Variants in OPTN observed in about 807,000 individuals in gnomAD.
OPTN encodes optineurin, also known as E3-14.7K-interacting protein.
In OPTN, 54 loss-of-function variants were observed where a neutral mutation model predicts 70.4. That is an observed-to-expected ratio of 0.77 (90% CI 0.62 to 0.96). The LOEUF (loss-of-function observed/expected upper bound fraction) is 0.96. OPTN is among the 40% of genes least tolerant of loss of function. OPTN has a pLI of 0.00. For synonymous variants in OPTN, 256 were observed against 248.5 expected (o/e 1.03, Z -0.28); for missense variants, 624 against 673.2 (o/e 0.93, Z 0.81).
At chr10:13,115,369 CTT>C (rs1283122303) in intron 5 of OPTN, among the ~76,000 whole-genome samples, 80 of 97,288 alleles carry the variant, frequency 8.2e-4, no homozygotes, top group African/African-American at 3.0e-3. Flanking sequence ...TATATATACA[CTT>C]ATATATGTAT....
intron 6 of OPTN, among the ~76,000 whole-genome samples, chr10:13,117,991 C>G (rs1833257628): frequency 1.3e-5 from 2 of 152,144 alleles, no homozygotes; most frequent in South Asian, 4.1e-4. Flanking sequence ...AAAGACGTTC[C>G]TGGAAGTAGT....
At chr10:13,126,069 C>A in intron 11 of OPTN, 30 bp downstream of exon 11, 1 of 1,283,218 alleles carries the variant, frequency 7.8e-7, no homozygotes, top group Non-Finnish European at 1.1e-6. Flanking sequence ...ACTTCCATAG[C>A]CTAGTAATGA....
intron 7 of OPTN, among the ~76,000 whole-genome samples, chr10:13,121,017 T>A (rs1833337125): frequency 6.6e-6 from 1 of 152,154 alleles, no homozygotes; most frequent in African/African-American, 2.4e-5. Context: ...GAGAACTCAC[T>A]CACTATCACG....
At chr10:13,104,007 G>C (rs571623257) in intron 1 of OPTN, among the ~76,000 whole-genome samples, 1 of 152,262 alleles carries the variant, frequency 6.6e-6, no homozygotes, top group African/African-American at 2.4e-5. Context: ...AAATGGCTTA[G>C]TTCCAATTTC....
rs2234968 is a variant in OPTN at position 13,109,224 on chromosome 10, G to A, written c.102G>A (p.Thr34=). The change falls in exon 3 of 15, where the codon ACG becomes ACA. Residue 34 remains threonine (T), a synonymous_variant. Coordinates refer to ENST00000378747, the MANE Select transcript of OPTN (RefSeq NM_001008212.2). The part of the protein sequence containing the change: ...PPHLAHPNLD[T]FTPEELLQQM... ...ACCTGGCCCACCCAAACCTGGACAC[G>A]TTTACCCCGGAGGAGCTGCTGCAGC... 0.25 allele frequency: 404,990 copies of A among 1,613,578 alleles called. 53,239 individuals are homozygous for A. Among genetic ancestry groups the A allele is most frequent in the Middle Eastern group, 0.3 (1,801 of 6,060 alleles).
At chr10:13,108,837 C>T (rs935236446) in intron 2 of OPTN, 16 of 405,138 alleles carry the variant, frequency 3.9e-5, no homozygotes, top group African/African-American at 1.2e-4. Flanking sequence ...TGAGCCACCA[C>T]GCCCGGCCCT....
At chr10:13,116,432 A>C in intron 6 of OPTN, 92 bp downstream of exon 6, 1 of 837,234 alleles carries the variant, frequency 1.2e-6, no homozygotes, top group Non-Finnish European at 2.1e-6. Flanking sequence ...TTGTGACCTG[A>C]GGAAGTAACT....
In OPTN at chr10:13,132,142, G is replaced by T; in HGVS notation, c.1477G>T (p.Ala493Ser). The T allele has an allele frequency of 6.2e-7, 1 of 1,613,620 alleles. No individual in the cohort carries two copies. Among genetic ancestry groups the T allele is most frequent in the Non-Finnish European group, 8.5e-7 (1 of 1,179,646 alleles). Residue 493 changes from alanine (A) to serine (S), a missense_variant, in exon 13 of 15, where the codon GCA becomes TCA. By Grantham distance (99) the Ala-to-Ser change is moderately conservative. Coordinates refer to ENST00000378747, the MANE Select transcript of OPTN (RefSeq NM_001008212.2). Reference sequence around the variant, plus strand: ...AATTCATGAGGAAAAGGAGCAACTGGCATTGCAGCTGGCAGTTCTGCTGAA... The same window carrying T: ...AATTCATGAGGAAAAGGAGCAACTGTCATTGCAGCTGGCAGTTCTGCTGAA... ...EKIHEEKEQL[A>S]LQLAVLLKEN...
intron 5 of OPTN, among the ~76,000 whole-genome samples, chr10:13,114,778 TTATATAATTATATAATTATATATACATA>T (rs1833092333): frequency 2.0e-5 from 2 of 100,340 alleles, no homozygotes; most frequent in African/African-American, 4.2e-5. Flanking sequence ...AATTATATAA[TTATATAATTATATAATTATATATACATA>T]TATATAATTA....
chr10:13,113,831 C>T (rs1329645896), intron 5 of OPTN, among the ~76,000 whole-genome samples: 1 of 151,936 alleles, frequency 6.6e-6, no homozygotes, highest in African/African-American at 2.4e-5. Flanking sequence ...GCTGAGGAGG[C>T]AGGATCCCTT....
chr10:13,118,933 T>G lies in OPTN; in HGVS notation c.672T>G (p.Asn224Lys), dbSNP rs747185111. 1 of 1,614,074 alleles carries G rather than the reference T, an allele frequency of 6.2e-7. No homozygotes were observed. Among genetic ancestry groups the G allele is most frequent in the Admixed American group, 1.7e-5 (1 of 60,012 alleles). The change falls in exon 7 of 15, where the codon AAT becomes AAG. Residue 224 changes from asparagine (N) to lysine (K), a missense_variant. Physicochemically the swap from Asn to Lys is moderately conservative, Grantham distance 94 (BLOSUM62 0). Transcript: ENST00000378747. The part of the protein sequence containing the change: ...YRSRSADGAK[N>K]YFEHEELTVS... The stretch of plus-strand genomic sequence containing the variant: ...GCAGATCTGCAGATGGGGCCAAGAA[T>G]TACTTCGAACATGAGGAGTTAACTG...
intron 4 of OPTN, among the ~76,000 whole-genome samples, chr10:13,111,425 C>T (rs10796023): frequency 0.99 from 150,607 of 152,294 alleles, 74,499 homozygotes; most frequent in East Asian, 1. Flanking sequence ...GGGCTAGGCA[C>T]GGTGGCTCAC....
At position 13,116,261 on chromosome 10, in the gene OPTN, T is replaced by G. The variant is rs746690111; in HGVS notation, c.553-6T>G. Reference sequence around the variant, plus strand: ...TGTTAAATCCCTTGCATTTCTGTTTTCACAGGAAGGAGAAGCAGAAGGGTC... The same window carrying G: ...TGTTAAATCCCTTGCATTTCTGTTTGCACAGGAAGGAGAAGCAGAAGGGTC... On this transcript the variant is annotated splice_region_variant and splice_polypyrimidine_tract_variant and intron_variant, in intron 5 of 14. Transcript: ENST00000378747. The G allele has an allele frequency of 1.5e-5, 24 of 1,591,286 alleles. No homozygotes were observed. Among genetic ancestry groups the G allele is most frequent in the Non-Finnish European group, 2.1e-5 (24 of 1,159,500 alleles).
intron 1 of OPTN, chr10:13,104,580 C>A: frequency 1.6e-6 from 1 of 640,376 alleles, no homozygotes. Flanking sequence ...TATACTCATT[C>A]CAAGGCTTCT....
intron 11 of OPTN, 119 bp downstream of exon 11, chr10:13,126,158 A>T: frequency 1.4e-6 from 1 of 701,138 alleles, no homozygotes; most frequent in Non-Finnish European, 2.5e-6. Context: ...GTTGTTTTCC[A>T]ATGTATCATT....
At chr10:13,117,867 G>GT (rs1833254275) in intron 6 of OPTN, among the ~76,000 whole-genome samples, 2 of 152,212 alleles carry the variant, frequency 1.3e-5, no homozygotes, top group Non-Finnish European at 2.9e-5. Flanking sequence ...AAGGAAGAAA[G>GT]TAAGTATTAG....
intron 5 of OPTN, among the ~76,000 whole-genome samples, chr10:13,115,518 T>C (rs1833180581): frequency 1.8e-5 from 2 of 110,006 alleles, no homozygotes; most frequent in East Asian, 5.3e-4. Flanking sequence ...ATATATAATA[T>C]ATTCTATAAT....
chr10:13,135,315 T>C (rs1345191789), intron 14 of OPTN, among the ~76,000 whole-genome samples: 1 of 152,138 alleles, frequency 6.6e-6, no homozygotes, highest in Non-Finnish European at 1.5e-5. Context: ...ATTTCGAACA[T>C]GCTCTGATTG....
chr10:13,123,160 T>A (rs1472705604), intron 8 of OPTN: 2 of 154,638 alleles, frequency 1.3e-5, no homozygotes, highest in Non-Finnish European at 2.9e-5. Context: ...TTGGGTTCTA[T>A]CCCATTACTG....
Sources: allele counts gnomAD v4.1 joint callset (sites outside exome capture counted in the v4.1 genomes callset), GRCh38; gene constraint gnomAD v4.1.1; transcripts MANE v1.5; gene names NCBI Gene and HGNC (gene_info 2026-07-23, HGNC 2026-07-21).